The following PPARGC1A variants were observed in gnomAD, a reference collection of about 807,000 sequenced individuals.
The protein encoded by PPARGC1A is PPARG coactivator 1 alpha.
In PPARGC1A, 25 loss-of-function variants were observed where a neutral mutation model predicts 88.7. The ratio of observed to expected loss-of-function variants is 0.28; its 90% CI spans 0.21 to 0.39. PPARGC1A has a LOEUF of 0.39. PPARGC1A is among the 10% of genes least tolerant of loss of function. PPARGC1A has a pLI of 1.00. For missense variants in PPARGC1A, 880 were observed against 968.7 expected, an observed-to-expected ratio of 0.91 and a Z score of 1.22; for synonymous variants, 363 against 355.6, an observed-to-expected ratio of 1.02 and a Z score of -0.24.
At chr4:24,127,662 G>A in the PPARGC1A span, among the ~76,000 whole-genome samples, 1 of 151,900 alleles carries the variant, frequency 6.6e-6, no homozygotes. Context: ...TTTCTCCCAA[G>A]AGTAAATTTC....
At chr4:24,190,535 A>C in the PPARGC1A span, among the ~76,000 whole-genome samples, 1 of 152,032 alleles carries the variant, frequency 6.6e-6, no homozygotes. Flanking sequence ...AAATTAAAAT[A>C]AAATAATATA....
At chr4:24,088,836 G>C in the PPARGC1A span, among the ~76,000 whole-genome samples, 29 of 152,180 alleles carry the variant, frequency 1.9e-4, no homozygotes, top group African/African-American at 7.0e-4. Flanking sequence ...AATTCAGATG[G>C]CATAGCAACA....
chr4:23,990,217 T>C, the PPARGC1A span, among the ~76,000 whole-genome samples: 4 of 149,716 alleles, frequency 2.7e-5, no homozygotes, highest in Non-Finnish European at 5.9e-5. Context: ...ATATTATATA[T>C]ATGATAATGG....
upstream of PPARGC1A, among the ~76,000 whole-genome samples, chr4:23,892,956 T>C (rs1718069264): frequency 6.6e-6 from 1 of 152,178 alleles, no homozygotes; most frequent in Admixed American, 6.6e-5. Context: ...AGATACAAGT[T>C]CCTTTCATTG....
chr4:24,437,265 A>G, the PPARGC1A span, among the ~76,000 whole-genome samples: 5 of 152,218 alleles, frequency 3.3e-5, no homozygotes, highest in African/African-American at 1.2e-4. Context: ...CTGGAGGTGA[A>G]GAGGCCACAG....
the PPARGC1A span, among the ~76,000 whole-genome samples, chr4:23,938,451 G>C: frequency 1.3e-5 from 2 of 152,074 alleles, no homozygotes; most frequent in Admixed American, 6.5e-5. Flanking sequence ...GTCACCATAG[G>C]ATACAGTAAC....
chr4:24,371,169 T>C, the PPARGC1A span, among the ~76,000 whole-genome samples: 1 of 152,180 alleles, frequency 6.6e-6, no homozygotes, highest in Non-Finnish European at 1.5e-5. Flanking sequence ...ATTTTCTTTA[T>C]CCAGTCTATC....
chr4:24,055,555 T>C, the PPARGC1A span, among the ~76,000 whole-genome samples: 4 of 152,108 alleles, frequency 2.6e-5, no homozygotes, highest in South Asian at 2.1e-4. Flanking sequence ...ATATAAGAAA[T>C]AGAGCCACAA....
At chr4:24,090,641 T>C in the PPARGC1A span, among the ~76,000 whole-genome samples, 1 of 152,298 alleles carries the variant, frequency 6.6e-6, no homozygotes, top group South Asian at 2.1e-4. Context: ...CTTTTTTCCA[T>C]ACGCCAGCAG....
the PPARGC1A span, among the ~76,000 whole-genome samples, chr4:24,174,014 T>G: frequency 6.6e-6 from 1 of 152,138 alleles, no homozygotes; most frequent in Non-Finnish European, 1.5e-5. Context: ...GAATTTAGAT[T>G]TGCAGCAACA....
the PPARGC1A span, among the ~76,000 whole-genome samples, chr4:24,451,770 G>T: frequency 6.6e-6 from 1 of 152,104 alleles, no homozygotes; most frequent in Non-Finnish European, 1.5e-5. Flanking sequence ...TAGAGATGGG[G>T]TTTCACCACG....
intron 12 of PPARGC1A, among the ~76,000 whole-genome samples, chr4:23,796,134 T>C (rs2109303652): frequency 1.3e-5 from 2 of 152,224 alleles, no homozygotes; most frequent in Admixed American, 1.3e-4. Flanking sequence ...GTTGACTCGT[T>C]TAGGCTTAAA....
the PPARGC1A span, among the ~76,000 whole-genome samples, chr4:24,174,092 G>A: frequency 6.6e-6 from 1 of 152,220 alleles, no homozygotes; most frequent in African/African-American, 2.4e-5. Context: ...GGTAAAGGCA[G>A]AGGACACATC....
At chr4:24,413,132 C>T in the PPARGC1A span, among the ~76,000 whole-genome samples, 6 of 151,992 alleles carry the variant, frequency 3.9e-5, no homozygotes, top group African/African-American at 1.4e-4. Context: ...TGATGCTACA[C>T]ATAGGAAGTA....
chr4:24,106,446 G>A, the PPARGC1A span, among the ~76,000 whole-genome samples: 2 of 152,180 alleles, frequency 1.3e-5, no homozygotes, highest in African/African-American at 4.8e-5. Flanking sequence ...AACACTTTGA[G>A]CACCTTCAAG....
the PPARGC1A span, among the ~76,000 whole-genome samples, chr4:24,245,227 T>C: frequency 6.6e-6 from 1 of 152,228 alleles, no homozygotes; most frequent in African/African-American, 2.4e-5. Context: ...ATTGAAGTGA[T>C]CAAATACTGT....
At chr4:24,019,468 C>T in the PPARGC1A span, among the ~76,000 whole-genome samples, 2 of 152,242 alleles carry the variant, frequency 1.3e-5, no homozygotes, top group African/African-American at 4.8e-5. Flanking sequence ...ATTCCAAATT[C>T]ATTCACACTC....
chr4:23,982,335 T>A, the PPARGC1A span, among the ~76,000 whole-genome samples: 1 of 152,184 alleles, frequency 6.6e-6, no homozygotes. Context: ...TGGTTCTAAC[T>A]CATGGTCTAG....
the PPARGC1A span, among the ~76,000 whole-genome samples, chr4:23,925,969 A>T: frequency 1.3e-5 from 2 of 152,144 alleles, no homozygotes; most frequent in African/African-American, 4.8e-5. Context: ...GGCTCCTAAG[A>T]CCGTATTTCT....
Sources: gnomAD v4.1 joint callset for allele counts (sites outside exome capture counted in the v4.1 genomes callset) on GRCh38, gnomAD v4.1.1 for gene constraint, MANE v1.5 for transcripts, NCBI Gene and HGNC (gene_info 2026-07-23, HGNC 2026-07-21) for gene names.